CDH19: variants seen among roughly 807,000 people sequenced by gnomAD.
The protein encoded by CDH19 is cadherin 19, also known as cadherin-19.
A neutral mutation model predicts 64.2 loss-of-function variants in CDH19; 67 were observed. The ratio of observed to expected loss-of-function variants is 1.04; its 90% confidence interval spans 0.86 to 1.28. The LOEUF (loss-of-function observed/expected upper bound fraction) is 1.28. Among genes scored for constraint, CDH19 ranks in the 50% most tolerant of loss-of-function variants. The probability of loss-of-function intolerance (pLI) is 0.00; values close to 1 mark genes in which losing one functional copy is unlikely to be tolerated. For missense variants in CDH19, 1,030 were observed against 929.0 expected, an observed-to-expected ratio of 1.11 and a Z score of -1.41; for synonymous variants, 346 against 319.3, an observed-to-expected ratio of 1.08 and a Z score of -0.89.
chr18:66,592,223 T>C (rs1229777200), intron 1 of CDH19, among the ~76,000 whole-genome samples: 1 of 151,768 alleles, frequency 6.6e-6, no homozygotes, highest in Non-Finnish European at 1.5e-5. Flanking sequence ...CATAATAATT[T>C]TAAAATCTTT....
At chr18:66,519,256 T>C (rs777760511) in intron 9 of CDH19, among the ~76,000 whole-genome samples, 41 of 152,308 alleles carry the variant, frequency 2.7e-4, no homozygotes, top group Middle Eastern at 3.4e-3. Context: ...TAAGAACTTA[T>C]AATGTATGAC....
intron 9 of CDH19, among the ~76,000 whole-genome samples, chr18:66,524,548 A>G (rs972927880): frequency 0.011 from 1,435 of 129,598 alleles, 18 homozygotes; most frequent in African/African-American, 0.03. Context: ...GTGTGTATAT[A>G]TATATATATA....
chr18:66,547,661 GTTT>G (rs71169155), intron 5 of CDH19, among the ~76,000 whole-genome samples: 2 of 80,144 alleles, frequency 2.5e-5, no homozygotes, highest in East Asian at 3.9e-4. Context: ...TGTGTGTTAG[GTTT>G]TTTTTTTTTT....
intron 9 of CDH19, among the ~76,000 whole-genome samples, chr18:66,518,368 G>A (rs1297084992): frequency 1.3e-5 from 2 of 151,980 alleles, no homozygotes; most frequent in Admixed American, 1.3e-4. Flanking sequence ...TGAGTAGCTG[G>A]GATTACAGGT....
chr18:66,550,077 G>A (rs543323808), intron 5 of CDH19, among the ~76,000 whole-genome samples: 2 of 152,132 alleles, frequency 1.3e-5, no homozygotes, highest in South Asian at 4.1e-4. Context: ...TCATGCTATG[G>A]TATATATTTT....
intron 3 of CDH19, 36 bp from the exon 4 acceptor site, chr18:66,554,560 GT>G: frequency 6.3e-7 from 1 of 1,584,650 alleles, no homozygotes; most frequent in Non-Finnish European, 8.6e-7. Flanking sequence ...TAAGATTGTG[GT>G]TTTATTCAGG....
At chr18:66,579,165 A>T (rs1403074304) in intron 1 of CDH19, among the ~76,000 whole-genome samples, 1 of 151,978 alleles carries the variant, frequency 6.6e-6, no homozygotes, top group Admixed American at 6.6e-5. Context: ...TGTTGTTAAA[A>T]ATCTTGACTT....
At chr18:66,578,757 A>G (rs997513763) in intron 1 of CDH19, among the ~76,000 whole-genome samples, 1 of 152,000 alleles carries the variant, frequency 6.6e-6, no homozygotes, top group East Asian at 1.9e-4. Flanking sequence ...TCAAATGTCT[A>G]TCAACAAGTC....
intron 3 of CDH19, among the ~76,000 whole-genome samples, chr18:66,559,217 A>G (rs1471459745): frequency 1.3e-5 from 2 of 152,054 alleles, no homozygotes; most frequent in African/African-American, 4.8e-5. Flanking sequence ...ATTTTTTTAT[A>G]TAAAGGAGAA....
At chr18:66,564,644 C>A (rs1228357631) in intron 3 of CDH19, among the ~76,000 whole-genome samples, 1 of 151,874 alleles carries the variant, frequency 6.6e-6, no homozygotes, top group Non-Finnish European at 1.5e-5. Flanking sequence ...TTTGCACATA[C>A]ACAGACATAT....
In CDH19 at chr18:66,551,154, T is replaced by C. The variant is rs139340924; in HGVS notation, c.715A>G (p.Thr239Ala). 2.0e-3 allele frequency: 3,287 copies of C among 1,608,930 alleles called. 13 individuals carry two copies. Among genetic ancestry groups the C allele is most frequent in the Non-Finnish European group, 2.5e-3 (2,990 of 1,175,626 alleles). The change falls in exon 5 of 12, where the codon ACA (threonine) becomes GCA (alanine). Residue 239 changes from threonine to alanine, a missense_variant. Transcript: ENST00000262150. ...MIGQPGALSGTTSVLIKLSDV... is the reference protein window; with the variant it reads ...MIGQPGALSGATSVLIKLSDV... ...GAAAGTTTAATTAATACACTTGTTG[T>C]TCCAGACAACGCTCCTGGCTGACCA...
intron 3 of CDH19, among the ~76,000 whole-genome samples, chr18:66,556,693 A>T (rs948777987): frequency 2.6e-5 from 4 of 151,826 alleles, no homozygotes; most frequent in Non-Finnish European, 4.4e-5. Context: ...TATTTAAGAG[A>T]ACTCATACAA....
chr18:66,511,986 C>T (rs1019390483), intron 9 of CDH19, among the ~76,000 whole-genome samples: 1 of 151,566 alleles, frequency 6.6e-6, no homozygotes, highest in African/African-American at 2.4e-5. Flanking sequence ...GTATTACTCA[C>T]ATCCTCCCTG....
intron 7 of CDH19, among the ~76,000 whole-genome samples, chr18:66,542,477 T>C (rs773477793): frequency 7.2e-5 from 11 of 152,112 alleles, no homozygotes; most frequent in Non-Finnish European, 1.0e-4. Context: ...ATACCTCAAC[T>C]ACTGAAACAA....
At chr18:66,553,221 T>G (rs1230807361) in intron 4 of CDH19, among the ~76,000 whole-genome samples, 4 of 134,952 alleles carry the variant, frequency 3.0e-5, no homozygotes, top group Non-Finnish European at 4.6e-5. Flanking sequence ...GTTACTATTA[T>G]GTATTGTTTT....
At chr18:66,509,321 G>A (rs922054167) in intron 10 of CDH19, 75 bp from the exon 11 acceptor site, 1 of 1,271,988 alleles carries the variant, frequency 7.9e-7, no homozygotes. Context: ...ACATGTGCTA[G>A]GGACAATAGT....
At chr18:66,507,751 C>T (rs1194198009) in intron 11 of CDH19, among the ~76,000 whole-genome samples, 3 of 151,804 alleles carry the variant, frequency 2.0e-5, no homozygotes, top group African/African-American at 7.3e-5. Flanking sequence ...CATTTACTGT[C>T]CTTTTTATTC....
intron 7 of CDH19, among the ~76,000 whole-genome samples, chr18:66,539,654 TA>T (rs1465506447): frequency 3.9e-5 from 6 of 152,122 alleles, no homozygotes; most frequent in Admixed American, 3.9e-4. Flanking sequence ...TTTTCACAAA[TA>T]GCTCAAATTA....
chr18:66,555,545 C>T (rs1320342140), intron 3 of CDH19, among the ~76,000 whole-genome samples: 2 of 151,694 alleles, frequency 1.3e-5, no homozygotes, highest in Non-Finnish European at 3.0e-5. Flanking sequence ...TATCATACAG[C>T]ATATTCTATT....
Sources: allele counts gnomAD v4.1 joint callset (sites outside exome capture counted in the v4.1 genomes callset), GRCh38; gene constraint gnomAD v4.1.1; transcripts MANE v1.5; gene names NCBI Gene and HGNC (gene_info 2026-07-23, HGNC 2026-07-21).